Variants in FAM124A observed in about 807,000 individuals in gnomAD.
FAM124A encodes the protein protein FAM124A.
Under a neutral mutation model 24.5 loss-of-function variants are expected in FAM124A, and 23 were observed. The ratio of observed to expected loss-of-function variants is 0.94; its 90% CI spans 0.68 to 1.33. FAM124A has a LOEUF of 1.33. FAM124A is among the 40% of genes most tolerant of loss of function. The pLI is 0.00. For synonymous variants in FAM124A, 287 were observed against 314.7 expected (o/e 0.91, Z 0.93); for missense variants, 623 against 722.8 (o/e 0.86, Z 1.58).
intron 2 of FAM124A, chr13:51,245,247 A>G: frequency 1.8e-6 from 1 of 561,286 alleles, no homozygotes; most frequent in Non-Finnish European, 3.2e-6. Flanking sequence ...GGTTAGGACT[A>G]GGTGTGCCAT....
chr13:51,247,977 T>G (rs187567748), intron 2 of FAM124A, among the ~76,000 whole-genome samples: 107 of 152,352 alleles, frequency 7.0e-4, no homozygotes, highest in African/African-American at 2.5e-3. Flanking sequence ...GAATTCTGAT[T>G]GTGTTCCTAG....
intron 2 of FAM124A, among the ~76,000 whole-genome samples, 189 bp downstream of exon 2, chr13:51,231,568 A>G (rs1256835176): frequency 6.6e-6 from 1 of 152,220 alleles, no homozygotes; most frequent in Non-Finnish European, 1.5e-5. Flanking sequence ...ATCATACAGA[A>G]ATTCAGCCTG....
At position 51,280,744 on chromosome 13, in the gene FAM124A, G is replaced by C. The variant is rs200873096; in HGVS notation, c.1129G>C (p.Ala377Pro). The C allele has an allele frequency of 3.7e-6, 6 of 1,614,208 alleles. No individual in the cohort carries two copies. The highest frequency in any genetic ancestry group is 4.2e-6 in the Non-Finnish European group (5 of 1,180,044). ...PTGGPSLASSAEPQWFSNTGA... is the reference protein window; with the variant it reads ...PTGGPSLASSPEPQWFSNTGA... ...GGGAGGCCCCTCCCTGGCCTCCTCA[G>C]CTGAACCACAGTGGTTTTCAAACAC... Residue 377 changes from alanine to proline, a missense_variant, in exon 4 of 4, where the codon GCT becomes CCT. Physicochemically the swap from Ala to Pro is conservative, Grantham distance 27. Transcript: ENST00000322475.
chr13:51,250,852 C>T (rs1181609204), intron 2 of FAM124A, among the ~76,000 whole-genome samples: 1 of 152,240 alleles, frequency 6.6e-6, no homozygotes, highest in East Asian at 1.9e-4. Context: ...TCATCAACAG[C>T]CAGGGCATGA....
chr13:51,239,944 G>C (rs1452987798), intron 2 of FAM124A, among the ~76,000 whole-genome samples: 1 of 152,196 alleles, frequency 6.6e-6, no homozygotes. Flanking sequence ...AATCTTTTCT[G>C]CTGCCCTCAC....
intron 3 of FAM124A, among the ~76,000 whole-genome samples, chr13:51,277,471 T>C (rs967688239): frequency 1.2e-4 from 18 of 152,134 alleles, no homozygotes; most frequent in Non-Finnish European, 2.4e-4. Context: ...GCACTTGTAC[T>C]CCCTAAATCT....
At chr13:51,245,184 G>A in intron 2 of FAM124A, 1 of 444,212 alleles carries the variant, frequency 2.3e-6, no homozygotes, top group Non-Finnish European at 4.0e-6. Flanking sequence ...TTTACATAGG[G>A]CACAAAAGAT....
At chr13:51,234,457 T>G (rs536459893) in intron 2 of FAM124A, among the ~76,000 whole-genome samples, 3 of 151,936 alleles carry the variant, frequency 2.0e-5, no homozygotes, top group African/African-American at 7.2e-5. Context: ...GGTATAAGAG[T>G]GGTGGCGTGG....
At chr13:51,239,489 A>G (rs1010247573) in intron 2 of FAM124A, among the ~76,000 whole-genome samples, 1 of 152,230 alleles carries the variant, frequency 6.6e-6, no homozygotes, top group African/African-American at 2.4e-5. Context: ...ACTCATCTCT[A>G]TAATAGTTTG....
At chr13:51,253,535 T>C (rs1485947082) in intron 3 of FAM124A, 1 of 152,264 alleles carries the variant, frequency 6.6e-6, no homozygotes, top group Non-Finnish European at 1.5e-5. Context: ...CACATCTTTA[T>C]GCAAAATATA....
intron 2 of FAM124A, among the ~76,000 whole-genome samples, chr13:51,236,384 T>C (rs1593588441): frequency 1.3e-5 from 2 of 152,354 alleles, no homozygotes; most frequent in East Asian, 3.9e-4. Context: ...CCTTCTCCCT[T>C]TAGTTTCTCA....
At chr13:51,243,530 TTTTG>T (rs896220316) in intron 2 of FAM124A, among the ~76,000 whole-genome samples, 2 of 152,028 alleles carry the variant, frequency 1.3e-5, no homozygotes, top group African/African-American at 2.4e-5. Context: ...TGTTGGTTTT[TTTTG>T]TTTGTTTGTT....
intron 3 of FAM124A, among the ~76,000 whole-genome samples, chr13:51,275,751 T>C (rs1954880786): frequency 1.3e-5 from 2 of 152,198 alleles, no homozygotes; most frequent in Admixed American, 1.3e-4. Flanking sequence ...GTGGAGCAAC[T>C]GGAATACTTA....
intron 3 of FAM124A, among the ~76,000 whole-genome samples, chr13:51,267,571 G>A (rs899593930): frequency 4.0e-5 from 6 of 151,810 alleles, no homozygotes; most frequent in African/African-American, 1.5e-4. Flanking sequence ...GGTTTTATAG[G>A]TTTCTTGTCA....
rs750386210 is a variant in FAM124A at position 51,280,841 on chromosome 13, C to A, written c.1226C>A (p.Ala409Asp). Residue 409 changes from alanine (A) to aspartate (D), a missense_variant, in exon 4 of 4, where the codon GCC (alanine) becomes GAC (aspartate). Coordinates refer to ENST00000322475, the MANE Select transcript of FAM124A (RefSeq NM_001242312.2). Reference sequence around the variant, plus strand: ...CTCTCCATCGATGACCTAGAGGGGGCCCAGGAGACAGACGTGGACACAGGC... The same window carrying A: ...CTCTCCATCGATGACCTAGAGGGGGACCAGGAGACAGACGTGGACACAGGC... ...HLLSIDDLEG[A>D]QETDVDTGLR... is the part of the protein sequence containing the mutation. The A allele has an allele frequency of 6.2e-7, 1 of 1,614,088 alleles. No individual in the cohort carries two copies. Among genetic ancestry groups the A allele is most frequent in the Non-Finnish European group, 8.5e-7 (1 of 1,180,016 alleles).
intron 3 of FAM124A, among the ~76,000 whole-genome samples, chr13:51,275,417 A>G (rs1954877534): frequency 6.6e-6 from 1 of 152,234 alleles, no homozygotes; most frequent in Non-Finnish European, 1.5e-5. Context: ...AGTAAGTACC[A>G]GCCTTAAAGA....
intron 2 of FAM124A, chr13:51,245,167 T>TCGCC: frequency 2.3e-6 from 1 of 426,476 alleles, no homozygotes; most frequent in African/African-American, 2.0e-5. Context: ...GAGGAGGTGG[T>TCGCC]GTCTGATTTA....
In FAM124A at chr13:51,231,384, G is replaced by C. The variant is rs1429647203; in HGVS notation, c.100+5G>C. The stretch of plus-strand genomic sequence containing the variant: ...GCCACCTGTCCTCCACGAGCAGTAA[G>C]TATCTTTTAAACATCCTTCAGCATT... On this transcript the variant is annotated splice_donor_5th_base_variant and intron_variant, in intron 2 of 3. Coordinates refer to ENST00000322475, the MANE Select transcript of FAM124A (RefSeq NM_001242312.2). 1 of 1,613,916 alleles carries C rather than the reference G, an allele frequency of 6.2e-7. No homozygotes were observed. Among genetic ancestry groups the C allele is most frequent in the Admixed American group, 1.7e-5 (1 of 59,984 alleles).
In FAM124A at chr13:51,280,930, A is replaced by C. The variant is rs1954930296; in HGVS notation, c.1315A>C (p.Ser439Arg). The C allele has an allele frequency of 6.2e-7, 1 of 1,614,022 alleles. No homozygotes were observed. Among genetic ancestry groups the C allele is most frequent in the South Asian group, 1.1e-5 (1 of 91,080 alleles). The change falls in exon 4 of 4, where the codon AGC (serine) becomes CGC (arginine). Residue 439 changes from serine (S) to arginine (R), a missense_variant. Ser to Arg is a moderately radical substitution (Grantham distance 110, BLOSUM62 -1). Transcript: ENST00000322475. ...SAYSAPSRFCSTVETPLPSER... is the reference protein window; with the variant it reads ...SAYSAPSRFCRTVETPLPSER... ...ATATTCTGCACCCAGTAGGTTCTGCAGCACAGTGGAGACACCCCTCCCCTC... is the reference window on the plus strand; with the variant it reads ...ATATTCTGCACCCAGTAGGTTCTGCCGCACAGTGGAGACACCCCTCCCCTC...
Sources: allele counts gnomAD v4.1 joint callset (sites outside exome capture counted in the v4.1 genomes callset), GRCh38; gene constraint gnomAD v4.1.1; transcripts MANE v1.5; gene names NCBI Gene and HGNC (gene_info 2026-07-23, HGNC 2026-07-21).